XDH: variants seen among roughly 807,000 people sequenced by gnomAD.
The protein encoded by XDH is xanthine dehydrogenase/oxidase.
In XDH, 138 loss-of-function variants were observed where a neutral mutation model predicts 156.1. The observed-to-expected ratio is 0.88, with a 90% confidence interval of 0.77 to 1.02. The LOEUF (loss-of-function observed/expected upper bound fraction) is 1.02, where lower values mean the gene tolerates loss of function less well. XDH is among the 50% of genes least tolerant of loss of function. The pLI is 0.00. For missense variants in XDH, 1,849 were observed against 1,684.9 expected (o/e 1.10, Z -1.71); for synonymous variants, 669 against 625.7 (o/e 1.07, Z -1.03).
intron 15 of XDH, 73 bp downstream of exon 15, chr2:31,375,307 T>C: frequency 1.2e-6 from 2 of 1,602,216 alleles, no homozygotes; most frequent in Non-Finnish European, 1.7e-6. Context: ...AGGAGCAAAT[T>C]TACTACCCAG....
At chr2:31,366,254 G>A (rs530742039) in intron 21 of XDH, 145 bp from the exon 22 acceptor site, 1 of 1,446,054 alleles carries the variant, frequency 6.9e-7, no homozygotes, top group Admixed American at 1.8e-5. Flanking sequence ...GCAGCTTTGT[G>A]GTTAGTGATG....
chr2:31,388,219 T>C lies in XDH; in HGVS notation c.564+8A>G, dbSNP rs1318491500. 2 of 1,614,138 alleles carry C rather than the reference T, an allele frequency of 1.2e-6. No individual in the cohort carries two copies. The highest frequency in any genetic ancestry group is 1.7e-6 in the Non-Finnish European group (2 of 1,179,992). The stretch of plus-strand genomic sequence containing the variant: ...CCCAGGCTTCCAGGGGGAGAAGAAC[T>C]CACTTACTGAGTGGTCTTTCTTCTG... On this transcript the variant is annotated splice_region_variant and intron_variant, in intron 7 of 35. Coordinates refer to ENST00000379416, the MANE Select transcript of XDH (RefSeq NM_000379.4).
chr2:31,350,279 T>TGAGTAGCTGGGATTA, intron 24 of XDH, 56 bp from the exon 25 acceptor site: 1 of 1,581,640 alleles, frequency 6.3e-7, no homozygotes, highest in Non-Finnish European at 8.6e-7. Context: ...CATTGGTTCC[T>TGAGTAGCTGGGATTA]CAAAGTAGGA....
rs559632326 is a variant in XDH, at chr2:31,414,404, T to G, written c.42+221A>C. Reference sequence around the variant, plus strand: ...GCCTCTCTGCTTGCCTCTCTCTCCCTCATTCTTTGGCCTCTGAGTATCTTG... The same window carrying G: ...GCCTCTCTGCTTGCCTCTCTCTCCCGCATTCTTTGGCCTCTGAGTATCTTG... On this transcript the variant is annotated intron_variant, in intron 1 of 35. Coordinates refer to ENST00000379416, the MANE Select transcript of XDH (RefSeq NM_000379.4). 2.0e-5 allele frequency among the ~76,000 whole-genome samples: 3 copies of G among 151,790 alleles called. No individual in the cohort carries two copies. In the East Asian group the frequency reaches 5.9e-4, roughly 30 times the overall value.
At chr2:31,395,537 A>G in intron 6 of XDH, among the ~76,000 whole-genome samples, 1 of 152,242 alleles carries the variant, frequency 6.6e-6, no homozygotes, top group East Asian at 1.9e-4. Flanking sequence ...ATTTTTCTCC[A>G]ACATTTACTG....
At chr2:31,377,348 C>T in intron 13 of XDH, 111 bp from the exon 14 acceptor site, 2 of 1,180,100 alleles carry the variant, frequency 1.7e-6, no homozygotes, top group Non-Finnish European at 1.3e-6. Flanking sequence ...CACCATCACA[C>T]ATCAGTGGGT....
In XDH at chr2:31,372,306, T is replaced by A; in HGVS notation, c.1778A>T (p.Tyr593Phe). The A allele has an allele frequency of 6.2e-7, 1 of 1,614,186 alleles. No homozygotes were observed. Among genetic ancestry groups the A allele is most frequent in the Non-Finnish European group, 8.5e-7 (1 of 1,180,038 alleles). Residue 593 changes from tyrosine to phenylalanine, a missense_variant, in exon 17 of 36, where the codon TAC (tyrosine) becomes TTC (phenylalanine). Transcript: ENST00000379416. ...CTCGTAGCGAGGAATGTCGTCACAG[T>A]ACACGGCCTCACCAGAGGCCTGCAT... ...ADMQASGEAVYCDDIPRYENE... is the reference protein window; with the variant it reads ...ADMQASGEAVFCDDIPRYENE...
intron 4 of XDH, 92 bp from the exon 5 acceptor site, chr2:31,398,791 TAGTGGGGGTAGTAATCACTGCACAG>T: frequency 6.3e-7 from 1 of 1,584,098 alleles, no homozygotes. Context: ...TGTTGAGAGA[TAGTGGGGGTAGTAATCACTGCACAG>T]AGTCAAGCCC....
chr2:31,353,355 T>C (rs1558681804), intron 24 of XDH, among the ~76,000 whole-genome samples: 1 of 152,214 alleles, frequency 6.6e-6, no homozygotes, highest in Non-Finnish European at 1.5e-5. Context: ...GGATTCTATC[T>C]TGTGAGAAAC....
chr2:31,402,978 T>C, intron 3 of XDH, 70 bp downstream of exon 3: 4 of 1,550,516 alleles, frequency 2.6e-6, no homozygotes, highest in Non-Finnish European at 3.6e-6. Context: ...CATACACTCA[T>C]GCACTCCCTC....
At chr2:31,385,289 TGGC>T (rs1686557721) in intron 9 of XDH, among the ~76,000 whole-genome samples, 1 of 152,340 alleles carries the variant, frequency 6.6e-6, no homozygotes, top group East Asian at 1.9e-4. Context: ...TGTTGAGCCA[TGGC>T]CATCAAGATC....
chr2:31,341,664 C>T (rs554231266), intron 32 of XDH, among the ~76,000 whole-genome samples: 6 of 152,224 alleles, frequency 3.9e-5, no homozygotes, highest in East Asian at 1.9e-4. Context: ...CACATTCATA[C>T]GTGAGTAGTC....
chr2:31,375,014 TC>T (rs1558694004), intron 15 of XDH, among the ~76,000 whole-genome samples: 1,626 of 113,094 alleles, frequency 0.014, 54 homozygotes, highest in African/African-American at 0.069. Context: ...TTTCTTTCTT[TC>T]TTTCTTTCTT....
At position 31,386,380 on chromosome 2, in the gene XDH, C is replaced by T. The variant is rs1022051108; in HGVS notation, c.793+34G>A. 8 of 1,608,348 alleles carry T rather than the reference C, an allele frequency of 5.0e-6. No individual in the cohort carries two copies. In the African/African-American group the frequency reaches 5.3e-5, roughly 11 times the overall value. On this transcript the variant is annotated intron_variant, in intron 9 of 35. Transcript: ENST00000379416. The stretch of plus-strand genomic sequence containing the variant: ...GGACCTAGAAACACCCCCAGACCCC[C>T]TGGCAGCCCCAGGGCAGCCTCCCTG...
Position 31,379,866 on chromosome 2 carries a change from C to G in XDH, c.1242+1G>C. 3.7e-6 allele frequency: 6 copies of G among 1,614,076 alleles called. No homozygotes were observed. The highest frequency in any genetic ancestry group is 5.1e-6 in the Non-Finnish European group (6 of 1,179,918). ...GCCTGGAACCACTTCCAACATCTCACCTCCCTGCTGTAGGGGATCTCTATG... is the reference window on the plus strand; with the variant it reads ...GCCTGGAACCACTTCCAACATCTCAGCTCCCTGCTGTAGGGGATCTCTATG... On this transcript the variant is annotated splice_donor_variant, in intron 13 of 35. Transcript: ENST00000379416. LOFTEE classifies it high-confidence loss of function.
intron 14 of XDH, among the ~76,000 whole-genome samples, chr2:31,375,880 C>T (rs1182463831): frequency 1.3e-5 from 2 of 152,120 alleles, no homozygotes; most frequent in African/African-American, 4.8e-5. Flanking sequence ...AAGCAAAATT[C>T]CTACACCCAT....
intron 30 of XDH, among the ~76,000 whole-genome samples, chr2:31,345,724 C>T (rs1482878467): frequency 1.3e-5 from 2 of 152,008 alleles, no homozygotes; most frequent in Non-Finnish European, 1.5e-5. Context: ...TTTGTGTGTG[C>T]GTGCACATGC....
In XDH at chr2:31,349,782, T is replaced by C. The variant is rs753754469; in HGVS notation, c.2873A>G (p.Gln958Arg). The C allele has an allele frequency of 5.6e-6, 9 of 1,614,198 alleles. No individual in the cohort carries two copies. Among genetic ancestry groups the C allele is most frequent in the Middle Eastern group, 1.6e-4 (1 of 6,062 alleles). ...YKEGDLTHFN[Q>R]KLEGFTLPRC... ...GGGCAAGGTGAAACCCTCAAGCTTC[T>C]GGTTGAAGTGTGTCAGGTCCCCTTC... Residue 958 changes from glutamine (Q) to arginine (R), a missense_variant, in exon 26 of 36, where the codon CAG becomes CGG. Physicochemically the swap from Gln to Arg is conservative, Grantham distance 43. Transcript: ENST00000379416.
At chr2:31,353,352 A>G (rs1052176654) in intron 24 of XDH, among the ~76,000 whole-genome samples, 4 of 152,188 alleles carry the variant, frequency 2.6e-5, no homozygotes, top group Non-Finnish European at 5.9e-5. Context: ...TCAGGATTCT[A>G]TCTTGTGAGA....
Sources: allele counts gnomAD v4.1 joint callset (sites outside exome capture counted in the v4.1 genomes callset), GRCh38; gene constraint gnomAD v4.1.1; transcripts MANE v1.5; gene names NCBI Gene and HGNC (gene_info 2026-07-23, HGNC 2026-07-21).